Variants in KCNIP4 observed in about 807,000 individuals in gnomAD.
KCNIP4 encodes potassium voltage-gated channel interacting protein 4, also known as Kv channel-interacting protein 4.
KCNIP4 carries 12 observed loss-of-function variants against 34.0 expected under a neutral mutation model. The observed-to-expected ratio is 0.35, with a 90% confidence interval of 0.23 to 0.57. KCNIP4 has a LOEUF of 0.57. KCNIP4 is among the 20% of genes least tolerant of loss of function. The pLI is 0.83. For missense variants in KCNIP4, 238 were observed against 311.7 expected, an observed-to-expected ratio of 0.76 and a Z score of 1.78; for synonymous variants, 124 against 102.2, an observed-to-expected ratio of 1.21 and a Z score of -1.29.
chr4:21,897,823 C>T (rs1394023169), intron 1 of KCNIP4, among the ~76,000 whole-genome samples: 3 of 152,106 alleles, frequency 2.0e-5, no homozygotes, highest in Non-Finnish European at 4.4e-5. Flanking sequence ...ATTCGCAGCA[C>T]CTGGTTTTAA....
At chr4:21,439,694 T>C (rs1727280261) in intron 1 of KCNIP4, among the ~76,000 whole-genome samples, 1 of 152,208 alleles carries the variant, frequency 6.6e-6, no homozygotes, top group Admixed American at 6.5e-5. Context: ...GCTTTGAGTA[T>C]GGATGCTATG....
chr4:20,782,284 G>A (rs1756943014), intron 3 of KCNIP4, among the ~76,000 whole-genome samples: 1 of 152,084 alleles, frequency 6.6e-6, no homozygotes, highest in South Asian at 2.1e-4. Flanking sequence ...CCTACAGCTG[G>A]GGTCTGGAGG....
chr4:20,835,291 C>T (rs1718901799), intron 3 of KCNIP4, among the ~76,000 whole-genome samples: 1 of 152,026 alleles, frequency 6.6e-6, no homozygotes, highest in African/African-American at 2.4e-5. Flanking sequence ...TCCCTCCTGA[C>T]CAGGACTAAA....
At chr4:21,483,661 G>A (rs1465768524) in intron 1 of KCNIP4, among the ~76,000 whole-genome samples, 3 of 151,900 alleles carry the variant, frequency 2.0e-5, no homozygotes, top group South Asian at 2.1e-4. Context: ...GTGGTGGCAC[G>A]CACCTGTAAT....
intron 1 of KCNIP4, among the ~76,000 whole-genome samples, chr4:20,914,348 G>A (rs901952651): frequency 1.3e-5 from 2 of 152,056 alleles, no homozygotes; most frequent in Non-Finnish European, 2.9e-5. Context: ...AGGTGATTAG[G>A]TCATGAGGAT....
Position 21,662,151 on chromosome 4 carries a change from A to C in KCNIP4, c.61+286420T>G, listed in dbSNP as rs539996402. The stretch of plus-strand genomic sequence containing the variant: ...TACACCCTGTGTCCTCCACAATCTG[A>C]AGCTTAAAGAAATACAAAGCAGAGT... On this transcript the variant is annotated intron_variant, in intron 1 of 8. Coordinates refer to ENST00000382152, the MANE Select transcript of KCNIP4 (RefSeq NM_025221.6). Among the ~76,000 whole-genome samples the C allele has an allele frequency of 2.6e-5, 4 of 152,294 alleles. No individual in the cohort carries two copies. The South Asian group carries it at 8.3e-4, about 32-fold the overall frequency.
intron 1 of KCNIP4, among the ~76,000 whole-genome samples, chr4:21,800,533 T>G (rs1720922279): frequency 6.6e-6 from 1 of 152,124 alleles, no homozygotes. Flanking sequence ...CAAAATACTT[T>G]CAAATAACAT....
chr4:21,247,820 TAC>T (rs1553845733), intron 1 of KCNIP4, among the ~76,000 whole-genome samples: 11 of 101,158 alleles, frequency 1.1e-4, no homozygotes, highest in African/African-American at 4.0e-4. Flanking sequence ...TATATATATA[TAC>T]ACACACACAC....
At chr4:20,825,980 G>A (rs1040274593) in intron 3 of KCNIP4, among the ~76,000 whole-genome samples, 5 of 151,584 alleles carry the variant, frequency 3.3e-5, no homozygotes, top group Non-Finnish European at 5.9e-5. Flanking sequence ...TTTCCATTAC[G>A]TTTTTAAAAT....
chr4:21,070,985 G>A (rs921345768), intron 1 of KCNIP4, among the ~76,000 whole-genome samples: 4 of 152,032 alleles, frequency 2.6e-5, no homozygotes, highest in South Asian at 4.2e-4. Flanking sequence ...TGAGTTGTGA[G>A]TTTTTAAATA....
chr4:21,426,205 T>C (rs765476729), intron 1 of KCNIP4, among the ~76,000 whole-genome samples: 12 of 152,202 alleles, frequency 7.9e-5, no homozygotes, highest in African/African-American at 1.2e-4. Flanking sequence ...TTTATTGTGA[T>C]TCAATTTACA....
At chr4:21,094,355 T>G (rs183410315) in intron 1 of KCNIP4, among the ~76,000 whole-genome samples, 1 of 152,292 alleles carries the variant, frequency 6.6e-6, no homozygotes, top group Non-Finnish European at 1.5e-5. Flanking sequence ...GATTAACATC[T>G]AATATGACAA....
chr4:20,729,402 C>CATATTATGGAAAATTAA lies in KCNIP4; in HGVS notation c.*663_*679dup, dbSNP rs1235951230. 1.4e-4 allele frequency: 21 copies of CATATTATGGAAAATTAA among 152,218 alleles called. No homozygotes were observed. Among genetic ancestry groups the CATATTATGGAAAATTAA allele is most frequent in the Admixed American group, 1.1e-3 (16 of 15,220 alleles). 9.4% of individuals were successfully genotyped at this position (152,218 alleles called of 1,614,324 possible). On this transcript the variant is annotated 3_prime_UTR_variant, in exon 9 of 9. Transcript: ENST00000382152. The stretch of plus-strand genomic sequence containing the variant: ...ATTATTATATAGGCCTTGGCTGTAA[C>CATATTATGGAAAATTAA]ATATTATGGAAAATTAAATGCTTAT...
intron 2 of KCNIP4, among the ~76,000 whole-genome samples, chr4:20,853,150 AC>A (rs1721207692): frequency 1.3e-5 from 2 of 152,316 alleles, no homozygotes; most frequent in South Asian, 4.1e-4. Context: ...TTCATGTGGA[AC>A]CAAAAAAGAG....
chr4:21,476,881 T>C (rs1731025298), intron 1 of KCNIP4, among the ~76,000 whole-genome samples: 1 of 152,136 alleles, frequency 6.6e-6, no homozygotes, highest in South Asian at 2.1e-4. Context: ...CAGGGTTTTC[T>C]TCCTTTTCTC....
intron 3 of KCNIP4, 68 bp downstream of exon 3, chr4:20,850,474 CT>C: frequency 6.5e-7 from 1 of 1,537,740 alleles, no homozygotes; most frequent in East Asian, 2.3e-5. Flanking sequence ...TATTTTCCCC[CT>C]TTTCCTCTCA....
At position 21,390,144 on chromosome 4, in the gene KCNIP4, G is replaced by C. The variant is rs1038448434; in HGVS notation, c.62-507435C>G. On this transcript the variant is annotated intron_variant, in intron 1 of 8. Coordinates refer to ENST00000382152, the MANE Select transcript of KCNIP4 (RefSeq NM_025221.6). ...CATATCCTTTGCCCAATTTTTGATG[G>C]GGTTGTTTGTTTTTTTCTTGTAAAT... 5.9e-5 allele frequency among the ~76,000 whole-genome samples: 9 copies of C among 152,068 alleles called. No homozygotes were observed. The East Asian group carries it at 1.7e-3, about 29-fold the overall frequency.
At chr4:21,306,979 C>T (rs1712542512) in intron 1 of KCNIP4, among the ~76,000 whole-genome samples, 1 of 152,218 alleles carries the variant, frequency 6.6e-6, no homozygotes, top group African/African-American at 2.4e-5. Context: ...TGCACCACCA[C>T]ACCCAGCTAA....
At chr4:20,733,240 A>G (rs1748780769) in intron 6 of KCNIP4, among the ~76,000 whole-genome samples, 2 of 152,210 alleles carry the variant, frequency 1.3e-5, no homozygotes, top group South Asian at 4.1e-4. Flanking sequence ...CTTAAGGTTC[A>G]TTAGGGTTTT....
Sources: gnomAD v4.1 joint callset for allele counts (sites outside exome capture counted in the v4.1 genomes callset) on GRCh38, gnomAD v4.1.1 for gene constraint, MANE v1.5 for transcripts, NCBI Gene and HGNC (gene_info 2026-07-23, HGNC 2026-07-21) for gene names.